The following IPP variants were observed in gnomAD, a reference collection of about 807,000 sequenced individuals.
IPP encodes the protein intracisternal A particle-promoted polypeptide.
In IPP, 41 loss-of-function variants were observed where a neutral mutation model predicts 64.1. The observed-to-expected ratio is 0.64, with a 90% CI of 0.50 to 0.83. IPP has a LOEUF of 0.83. Ranked by LOEUF, IPP falls within the 40% of genes least tolerant of loss-of-function variation. The pLI, the probability that IPP is intolerant of heterozygous loss-of-function variation, is 0.00. For missense variants in IPP, 649 were observed against 703.0 expected (o/e 0.92, Z 0.87); for synonymous variants, 214 against 235.2 (o/e 0.91, Z 0.83).
intron 8 of IPP, among the ~76,000 whole-genome samples, chr1:45,708,232 T>C (rs1481265530): frequency 6.6e-6 from 1 of 151,334 alleles, no homozygotes; most frequent in Non-Finnish European, 1.5e-5. Context: ...GCCCAGCTCA[T>C]TTTTTGTACT....
At chr1:45,746,900 G>C (rs1344934839) in intron 1 of IPP, among the ~76,000 whole-genome samples, 1 of 152,176 alleles carries the variant, frequency 6.6e-6, no homozygotes, top group African/African-American at 2.4e-5. Flanking sequence ...AGCACACAAA[G>C]CCCTTCGGGA....
chr1:45,718,818 G>A (rs1196337825), intron 6 of IPP, among the ~76,000 whole-genome samples: 1 of 150,664 alleles, frequency 6.6e-6, no homozygotes, highest in Non-Finnish European at 1.5e-5. Flanking sequence ...CATGGAGATA[G>A]AGAGTAGAAG....
In IPP at chr1:45,727,817, G is replaced by C; in HGVS notation, c.881-19C>G. The C allele has an allele frequency of 6.7e-7, 1 of 1,486,800 alleles. No individual in the cohort carries two copies. 92.1% of individuals were successfully genotyped at this position (1,486,800 alleles called of 1,614,324 possible). A position where few individuals can be genotyped will look rare whatever the true frequency, so the allele number is the denominator to read the frequency against. On this transcript the variant is annotated intron_variant, in intron 4 of 8. Transcript: ENST00000396478. ...TATCCACCTAAACAAAAGAAGAAAA[G>C]GTAGTAATGAAAATCTACTGTTCTA...
intron 3 of IPP, among the ~76,000 whole-genome samples, chr1:45,733,780 C>G (rs983725864): frequency 1.3e-5 from 2 of 151,022 alleles, no homozygotes; most frequent in African/African-American, 4.9e-5. Flanking sequence ...TGTAGTGAGC[C>G]GAGATCACGC....
chr1:45,746,219 A>G lies in IPP; in HGVS notation c.193T>C (p.Leu65=). 1 of 1,614,182 alleles carries G rather than the reference A, an allele frequency of 6.2e-7. No individual in the cohort carries two copies. Among genetic ancestry groups the G allele is most frequent in the Non-Finnish European group, 8.5e-7 (1 of 1,180,026 alleles). ...GACTCTTTCATTCCTCCAGTGAACA[A>G]AGCTGCAAAGTAAGGACTGCTGGCA... is the stretch of plus-strand genomic sequence containing the variant. The part of the protein sequence containing the change: ...LAASSPYFAA[L]FTGGMKESSK... The change falls in exon 2 of 9, where the codon TTG becomes CTG. Residue 65 remains leucine (L), a synonymous_variant. Coordinates refer to ENST00000396478, the MANE Select transcript of IPP (RefSeq NM_005897.3).
intron 5 of IPP, among the ~76,000 whole-genome samples, chr1:45,724,951 G>C (rs1302632438): frequency 1.5e-5 from 2 of 129,570 alleles, no homozygotes; most frequent in Non-Finnish European, 3.3e-5. Context: ...TCCTCTGCCC[G>C]GCCGCCCCTA....
intron 3 of IPP, 100 bp from the exon 4 acceptor site, chr1:45,729,869 T>A (rs1316283984): frequency 1.4e-6 from 1 of 696,044 alleles, no homozygotes; most frequent in Non-Finnish European, 2.3e-6. Context: ...CATCAAGAAA[T>A]AAAAAATCAT....
chr1:45,716,883 T>A lies in IPP; in HGVS notation c.1309+12A>T, dbSNP rs896721027. 9.4e-6 allele frequency: 15 copies of A among 1,592,936 alleles called. No individual in the cohort carries two copies. Among genetic ancestry groups the A allele is most frequent in the Non-Finnish European group, 1.3e-5 (15 of 1,172,234 alleles). On this transcript the variant is annotated intron_variant, in intron 7 of 8. Coordinates refer to ENST00000396478, the MANE Select transcript of IPP (RefSeq NM_005897.3). ...CTACATTTTGAGGAAAAATATTTTA[T>A]AAAGTGATTACCTTGCATTTCACAG...
chr1:45,729,239 T>C (rs989779446), intron 4 of IPP, among the ~76,000 whole-genome samples: 3 of 152,152 alleles, frequency 2.0e-5, no homozygotes, highest in African/African-American at 7.2e-5. Context: ...TTGGTTCCTA[T>C]CACTCCTAAT....
chr1:45,724,315 G>A (rs1645776028), intron 5 of IPP, among the ~76,000 whole-genome samples: 4 of 150,846 alleles, frequency 2.7e-5, no homozygotes, highest in Admixed American at 6.6e-5. Flanking sequence ...GTGCAGTGGC[G>A]TGATCTCGGC....
At position 45,710,913 on chromosome 1, in the gene IPP, G is replaced by T. The variant is rs201264962; in HGVS notation, c.1530+3333C>A. Among the ~76,000 whole-genome samples the T allele has an allele frequency of 6.2e-3, 108 of 17,298 alleles. 47 individuals carry two copies. Among genetic ancestry groups the T allele is most frequent in the African/African-American group, 0.019 (98 of 5,286 alleles). The allele number at this position is 17,298 out of a possible 152,430, so 11.3% of individuals were successfully genotyped here. On this transcript the variant is annotated intron_variant, in intron 8 of 8. Transcript: ENST00000396478. The stretch of plus-strand genomic sequence containing the variant: ...ATGCACCTGTTGTCCCAGCTACTCG[G>T]GAGGCTAAGACAGGAGAATTGCTTG...
At chr1:45,740,368 A>T (rs955840895) in intron 3 of IPP, among the ~76,000 whole-genome samples, 126 of 152,268 alleles carry the variant, frequency 8.3e-4, no homozygotes, top group Non-Finnish European at 1.6e-3. Flanking sequence ...GTGGCTGGGC[A>T]GAGGGGCTCC....
intron 2 of IPP, among the ~76,000 whole-genome samples, chr1:45,745,220 A>G (rs768705561): frequency 1.6e-4 from 24 of 152,186 alleles, no homozygotes; most frequent in Non-Finnish European, 3.2e-4. Flanking sequence ...AATGTTATTA[A>G]AACTCTTCAA....
intron 1 of IPP, among the ~76,000 whole-genome samples, chr1:45,747,383 C>A (rs1311598842): frequency 6.6e-6 from 1 of 152,010 alleles, no homozygotes; most frequent in African/African-American, 2.4e-5. Flanking sequence ...GAAAAGGAAA[C>A]TGAAGCTCAA....
chr1:45,747,230 G>A (rs1205832948), intron 1 of IPP, among the ~76,000 whole-genome samples: 1 of 151,882 alleles, frequency 6.6e-6, no homozygotes. Context: ...CAATGTTTGT[G>A]AAATGAATGA....
chr1:45,700,243 A>C, intron 8 of IPP, 53 bp from the exon 9 acceptor site: 1 of 1,555,508 alleles, frequency 6.4e-7, no homozygotes, highest in Non-Finnish European at 8.6e-7. Flanking sequence ...AATGATAGTA[A>C]AGAAATCCAC....
chr1:45,746,091 A>G, intron 2 of IPP, 29 bp downstream of exon 2: 3 of 1,568,148 alleles, frequency 1.9e-6, no homozygotes, highest in Non-Finnish European at 2.6e-6. Flanking sequence ...ATCATTCTTC[A>G]GTCAAAGCAA....
rs568086238 is a variant in IPP, at chr1:45,709,041, A to G, written c.1530+5205T>C. Among the ~76,000 whole-genome samples, 13 of 149,992 alleles carry G rather than the reference A, an allele frequency of 8.7e-5. No individual in the cohort carries two copies. The South Asian group carries it at 2.7e-3, about 32-fold the overall frequency. ...AGAGCAAGACTCCATCTCAAAAAAA[A>G]AAAAAAAAAAAAGGAGAAAAAAAAG... is the stretch of plus-strand genomic sequence containing the variant. On this transcript the variant is annotated intron_variant, in intron 8 of 8. Transcript: ENST00000396478.
At chr1:45,724,139 G>C (rs979505038) in intron 5 of IPP, among the ~76,000 whole-genome samples, 1 of 152,078 alleles carries the variant, frequency 6.6e-6, no homozygotes, top group Admixed American at 6.6e-5. Context: ...GCGCCGCCAC[G>C]CCTGACTGGT....
Sources: gnomAD v4.1 joint callset for allele counts (sites outside exome capture counted in the v4.1 genomes callset) on GRCh38, gnomAD v4.1.1 for gene constraint, MANE v1.5 for transcripts, NCBI Gene and HGNC (gene_info 2026-07-23, HGNC 2026-07-21) for gene names.